STK32C: variants seen among roughly 807,000 people sequenced by gnomAD.
STK32C encodes serine/threonine-protein kinase 32C.
Under a neutral mutation model 56.5 loss-of-function variants are expected in STK32C, and 31 were observed. The ratio of observed to expected loss-of-function variants is 0.55; its 90% confidence interval spans 0.41 to 0.74. The LOEUF is 0.74. STK32C is among the 30% of genes least tolerant of loss of function. STK32C has a pLI of 0.00. For synonymous variants in STK32C, 309 were observed against 289.4 expected, an observed-to-expected ratio of 1.07 and a Z score of -0.69; for missense variants, 544 against 676.9, an observed-to-expected ratio of 0.80 and a Z score of 2.18.
exon 2 of STK32C, chr10:132,324,162 G>A: frequency 2.7e-6 from 2 of 742,088 alleles, no homozygotes; most frequent in Non-Finnish European, 2.5e-6. Flanking sequence ...AGCTGGGGAT[G>A]AGTCTGAGTC....
Position 132,307,838 on chromosome 10 carries a change from G to A in STK32C, c.-5C>T. 1 of 1,129,638 alleles carries A rather than the reference G, an allele frequency of 8.9e-7. No homozygotes were observed. Among genetic ancestry groups the A allele is most frequent in the Non-Finnish European group, 1.1e-6 (1 of 916,596 alleles). The allele number at this position is 1,129,638 out of a possible 1,614,324, so 70.0% of individuals were successfully genotyped here. A position where few individuals can be genotyped will look rare whatever the true frequency, so the allele number is the denominator to read the frequency against. Reference sequence around the variant, plus strand: ...GCGCTCGGCGCCACTCCTCATCGCCGGGTCTGGGTGCGCGCGGCAGCCGGA... The same window carrying A: ...GCGCTCGGCGCCACTCCTCATCGCCAGGTCTGGGTGCGCGCGGCAGCCGGA... On this transcript the variant is annotated 5_prime_UTR_variant, in exon 1 of 12. Transcript: ENST00000298630. The surrounding 1 kb of genome is among the most constrained non-coding windows in gnomAD (Gnocchi z 4.4).
chr10:132,232,529 TG>T (rs1470142783), intron 2 of STK32C, among the ~76,000 whole-genome samples: 1 of 152,016 alleles, frequency 6.6e-6, no homozygotes, highest in Non-Finnish European at 1.5e-5. Context: ...TGACCAGGCC[TG>T]GGGGGCTGAG....
intron 1 of STK32C, among the ~76,000 whole-genome samples, chr10:132,252,732 A>T (rs1462572449): frequency 6.6e-6 from 1 of 152,360 alleles, no homozygotes; most frequent in African/African-American, 2.4e-5. Context: ...CAGTCTTCCC[A>T]GTACAGCAAA....
rs1211139032 is a variant in STK32C at position 132,222,642 on chromosome 10, G to T, written c.1250C>A (p.Ser417Tyr). Reference sequence around the variant, plus strand: ...CCCTGAGCCTGCCCTGGCACTCACGGACTGGGAGCTGTCCCTGCTGTTGTC... The same window carrying T: ...CCCTGAGCCTGCCCTGGCACTCACGTACTGGGAGCTGTCCCTGCTGTTGTC... ...SRDNSRDSSQ[S>Y]ENDYLQDCLD... Residue 417 changes from serine (S) to tyrosine (Y), a missense_variant and splice_region_variant, in exon 10 of 12, where the codon TCC becomes TAC. Coordinates refer to ENST00000298630, the MANE Select transcript of STK32C (RefSeq NM_173575.4). 6.2e-7 allele frequency: 1 copy of T among 1,612,328 alleles called. No individual in the cohort carries two copies. The highest frequency in any genetic ancestry group is 8.5e-7 in the Non-Finnish European group (1 of 1,179,916).
At chr10:132,273,103 C>G (rs1255233390) in intron 1 of STK32C, among the ~76,000 whole-genome samples, 1 of 152,202 alleles carries the variant, frequency 6.6e-6, no homozygotes, top group African/African-American at 2.4e-5. Context: ...CTTGCTGCCC[C>G]CCTCAACAGT....
chr10:132,286,773 A>C (rs531255350), intron 1 of STK32C, among the ~76,000 whole-genome samples: 1 of 152,360 alleles, frequency 6.6e-6, no homozygotes, highest in African/African-American at 2.4e-5. Context: ...TAAAAAGCAC[A>C]CATGACAAGG....
intron 1 of STK32C, among the ~76,000 whole-genome samples, chr10:132,257,511 C>G (rs538733978): frequency 2.5e-5 from 2 of 81,218 alleles, no homozygotes; most frequent in East Asian, 4.6e-4. Flanking sequence ...TCACACCCCC[C>G]AGCCAAAGAG....
intron 1 of STK32C, among the ~76,000 whole-genome samples, chr10:132,296,657 T>C (rs1052828900): frequency 1.3e-5 from 2 of 152,234 alleles, no homozygotes; most frequent in South Asian, 2.1e-4. Context: ...ACTTTCATTA[T>C]ATAATAAAAA....
chr10:132,241,018 G>A (rs929526164), intron 2 of STK32C, among the ~76,000 whole-genome samples: 2 of 152,220 alleles, frequency 1.3e-5, no homozygotes, highest in East Asian at 1.9e-4. Context: ...GTGGAAATCC[G>A]GCCTCTGCCC....
intron 1 of STK32C, among the ~76,000 whole-genome samples, chr10:132,328,800 A>G (rs2066561508): frequency 6.6e-6 from 1 of 152,256 alleles, no homozygotes; most frequent in Non-Finnish European, 1.5e-5. Context: ...TTCTGCAGCG[A>G]TATCTGGAGA....
At chr10:132,323,131 T>C (rs1172909733), downstream of STK32C, among the ~76,000 whole-genome samples, 2 of 151,990 alleles carry the variant, frequency 1.3e-5, no homozygotes, top group South Asian at 2.1e-4. This position sits in a 1 kb window ranked among gnomAD's most constrained non-coding sequence, Gnocchi z 4.8. Context: ...ACTGAAATAA[T>C]GACGTTTTCA....
At chr10:132,262,845 C>T (rs1051448492) in intron 1 of STK32C, among the ~76,000 whole-genome samples, 1 of 151,926 alleles carries the variant, frequency 6.6e-6, no homozygotes, top group Non-Finnish European at 1.5e-5. Context: ...AAAAACATGC[C>T]CCACATCACT....
intron 1 of STK32C, among the ~76,000 whole-genome samples, chr10:132,281,174 C>G (rs547855313): frequency 9.2e-6 from 1 of 108,816 alleles, no homozygotes; most frequent in Non-Finnish European, 2.0e-5. Flanking sequence ...ACGTGATCCT[C>G]GTGGACACAC....
chr10:132,260,922 C>G (rs77548467), intron 1 of STK32C, among the ~76,000 whole-genome samples: 16 of 152,316 alleles, frequency 1.1e-4, no homozygotes, highest in African/African-American at 3.4e-4. Context: ...CCCAGAACCC[C>G]GTCAGGACGC....
At position 132,281,178 on chromosome 10, in the gene STK32C, GACACAC is replaced by G. The variant is rs10556901; in HGVS notation, c.262+26388_262+26393del. ...TAAACACACACACGTGATCCTCGTG[GACACAC>G]ACACACACACACACACACACACACA... On this transcript the variant is annotated intron_variant, in intron 1 of 11. Transcript: ENST00000298630. Among the ~76,000 whole-genome samples, 1,247 of 149,408 alleles carry G rather than the reference GACACAC, an allele frequency of 8.3e-3. 13 individuals are homozygous for G. The highest frequency in any genetic ancestry group is 0.059 in the East Asian group (292 of 4,942).
chr10:132,230,124 G>C (rs2063039399), intron 2 of STK32C, among the ~76,000 whole-genome samples: 2 of 152,200 alleles, frequency 1.3e-5, no homozygotes. Flanking sequence ...CGGAGACTAA[G>C]CTTGAACGAG....
chr10:132,265,708 G>C (rs979313654), intron 1 of STK32C, among the ~76,000 whole-genome samples: 1 of 152,266 alleles, frequency 6.6e-6, no homozygotes, highest in African/African-American at 2.4e-5. Flanking sequence ...ATGGGCAAGA[G>C]GCCCAGGCAG....
At chr10:132,222,795 C>T (rs780059877) in intron 9 of STK32C, 23 bp from the exon 10 acceptor site, 1 of 1,593,460 alleles carries the variant, frequency 6.3e-7, no homozygotes, top group Non-Finnish European at 8.5e-7. Flanking sequence ...GGGTGCTGAG[C>T]CCCGGCCCGT....
At chr10:132,331,552 C>G (rs780961423) in exon 1 of STK32C, 5 of 1,612,818 alleles carry the variant, frequency 3.1e-6, no homozygotes, top group Non-Finnish European at 3.4e-6. Flanking sequence ...TGGGGACAAG[C>G]AGCTCCTGTG....
Sources: allele counts gnomAD v4.1 joint callset (sites outside exome capture counted in the v4.1 genomes callset), GRCh38; gene constraint gnomAD v4.1.1; non-coding constraint Gnocchi (gnomAD v3.1); transcripts MANE v1.5; gene names NCBI Gene and HGNC (gene_info 2026-07-23, HGNC 2026-07-21).